Variants in WDR81 observed in about 807,000 individuals in gnomAD.
WDR81 encodes the protein WD repeat domain 81, also known as WD repeat-containing protein 81.
A neutral mutation model predicts 140.8 loss-of-function variants in WDR81; 92 were observed. The ratio of observed to expected loss-of-function variants is 0.65; its 90% confidence interval spans 0.55 to 0.78. WDR81 has a LOEUF of 0.78. Ranked by LOEUF, WDR81 falls within the 30% of genes least tolerant of loss-of-function variation. The probability of loss-of-function intolerance (pLI) is 0.00; values close to 1 mark genes in which losing one functional copy is unlikely to be tolerated. For missense variants in WDR81, 2,502 were observed against 2,636.4 expected (o/e 0.95, Z 1.12); for synonymous variants, 1,183 against 1,156.4 (o/e 1.02, Z -0.47).
Position 1,726,603 on chromosome 17 carries a change from G to A in WDR81, c.1644G>A (p.Thr548=), listed in dbSNP as rs771489078. ...ACCTGCACCATTGGATCGACCTCAC[G>A]TTTGGCTATAAACTCCAGGGTAAGG... ...SRDLHHWIDL[T]FGYKLQGKEA... The change falls in exon 1 of 10, where the codon ACG becomes ACA. Residue 548 remains threonine, a synonymous_variant. Transcript: ENST00000409644. 1.1e-5 allele frequency: 17 copies of A among 1,550,306 alleles called. No homozygotes were observed. Among genetic ancestry groups the A allele is most frequent in the Middle Eastern group, 1.7e-4 (1 of 5,992 alleles).
At position 1,734,097 on chromosome 17, in the gene WDR81, C is replaced by T. The variant is rs185022289; in HGVS notation, c.5060C>T (p.Thr1687Met). The T allele has an allele frequency of 1.3e-5, 20 of 1,598,126 alleles. No individual in the cohort carries two copies. The highest frequency in any genetic ancestry group is 6.7e-5 in the East Asian group (3 of 44,708). ...AACTACGGCGACGGGACCAGCGAGA[C>T]GGCCCCACGCCTCGTCTACACCCAG... is the stretch of plus-strand genomic sequence containing the variant. ...LYNYGDGTSETAPRLVYTQHR... is the reference protein window; with the variant it reads ...LYNYGDGTSEMAPRLVYTQHR... Residue 1687 changes from threonine to methionine, a missense_variant, in exon 7 of 10, where the codon ACG becomes ATG. Transcript: ENST00000409644.
At position 1,726,906 on chromosome 17, in the gene WDR81, A is replaced by G; in HGVS notation, c.1947A>G (p.Arg649=). The change falls in exon 1 of 10, where the codon AGA becomes AGG. Residue 649 remains arginine (R), a synonymous_variant. Coordinates refer to ENST00000409644, the MANE Select transcript of WDR81 (RefSeq NM_001163809.2). The part of the protein sequence containing the change: ...EATPCEASWT[R]DRPVAGEDDL... ...CTCCCTGTGAGGCTAGCTGGACCAG[A>G]GACAGGCCGGTGGCAGGAGAAGACG... The G allele has an allele frequency of 6.4e-7, 1 of 1,550,454 alleles. No homozygotes were observed. Among genetic ancestry groups the G allele is most frequent in the South Asian group, 1.2e-5 (1 of 84,060 alleles).
intron 1 of WDR81, 141 bp downstream of exon 1, chr17:1,728,767 C>T: frequency 8.8e-7 from 1 of 1,140,336 alleles, no homozygotes; most frequent in Non-Finnish European, 1.2e-6. Flanking sequence ...ATCCTAATAA[C>T]AAGGTGAAAC....
At chr17:1,731,286 G>C (rs1904326624) in intron 4 of WDR81, 28 bp downstream of exon 4, 1 of 1,607,316 alleles carries the variant, frequency 6.2e-7, no homozygotes, top group Admixed American at 1.7e-5. Context: ...CTGATGTAGG[G>C]GGACCGGCCC....
At position 1,725,046 on chromosome 17, in the gene WDR81, G is replaced by T. The variant is rs143607787; in HGVS notation, c.87G>T (p.Glu29Asp). The change falls in exon 1 of 10, where the codon GAG becomes GAT. Residue 29 changes from glutamate (E) to aspartate (D), a missense_variant. Coordinates refer to ENST00000409644, the MANE Select transcript of WDR81 (RefSeq NM_001163809.2). ...CCCCGCCAAGCCCAGACATGCAGGA[G>T]CTGCTCCGGAGCGTGGAGAGGGACC... ...WHSPPSPDMQ[E>D]LLRSVERDLS... 1.4e-6 allele frequency: 2 copies of T among 1,475,604 alleles called. No homozygotes were observed. Among genetic ancestry groups the T allele is most frequent in the Non-Finnish European group, 1.8e-6 (2 of 1,115,632 alleles). 91.4% of individuals were successfully genotyped at this position (1,475,604 alleles called of 1,614,324 possible). A position where few individuals can be genotyped will look rare whatever the true frequency, so the allele number is the denominator to read the frequency against.
At chr17:1,719,561 A>C (rs200380243) in intron 1 of WDR81, among the ~76,000 whole-genome samples, 8 of 89,754 alleles carry the variant, frequency 8.9e-5, no homozygotes, top group African/African-American at 1.6e-4. Flanking sequence ...AAAAAGAAAA[A>C]AAAAAAAAAA....
At chr17:1,724,131 G>T (rs1597282979), upstream of WDR81, among the ~76,000 whole-genome samples, 1 of 152,080 alleles carries the variant, frequency 6.6e-6, no homozygotes, top group African/African-American at 2.4e-5. Flanking sequence ...TTGGGAGGCC[G>T]AGACGGGTGG....
chr17:1,732,709 C>A lies in WDR81; in HGVS notation c.4367C>A (p.Pro1456Gln), dbSNP rs749340184. The change falls in exon 6 of 10, where the codon CCA becomes CAA. Residue 1456 changes from proline to glutamine, a missense_variant. Around this residue, in one of 3 missense-constraint regions of WDR81, gnomAD observed 1,737 missense variants for 1,843.0 expected, o/e 0.94. Coordinates refer to ENST00000409644, the MANE Select transcript of WDR81 (RefSeq NM_001163809.2). ...GCGGGCCGTGGTGAGGGCCAGCTGC[C>A]ACAGGTGGTCTTCTCTGATGGGCAG... ...DPAGRGEGQL[P>Q]QVVFSDGQQR... The A allele has an allele frequency of 6.2e-7, 1 of 1,612,384 alleles. No homozygotes were observed. The highest frequency in any genetic ancestry group is 1.1e-5 in the South Asian group (1 of 90,990).
upstream of WDR81, among the ~76,000 whole-genome samples, chr17:1,721,955 C>G (rs1914886922): frequency 6.6e-6 from 1 of 151,942 alleles, no homozygotes. Flanking sequence ...GAAACCCTGT[C>G]TCTACTAAAA....
chr17:1,734,254 C>T (rs765478906), intron 7 of WDR81, 38 bp downstream of exon 7: 2 of 1,502,088 alleles, frequency 1.3e-6, no homozygotes, highest in South Asian at 1.3e-5. Context: ...TCTTCCTGCT[C>T]CTGCGCCCCA....
chr17:1,731,200 C>G lies in WDR81; in HGVS notation c.4099C>G (p.Arg1367Gly). 6.2e-7 allele frequency: 1 copy of G among 1,613,592 alleles called. No homozygotes were observed. Among genetic ancestry groups the G allele is most frequent in the Non-Finnish European group, 8.5e-7 (1 of 1,180,014 alleles). ...CACCACACTCATGGACATCCTGCCC[C>G]GGATCAGCCATGAGGTCCTGCTGCC... is the stretch of plus-strand genomic sequence containing the variant. ...SDTTLMDILPRISHEVLLPVL... is the reference protein window; with the variant it reads ...SDTTLMDILPGISHEVLLPVL... The change falls in exon 4 of 10, where the codon CGG (arginine) becomes GGG (glycine). Residue 1367 changes from arginine to glycine, a missense_variant. Physicochemically the swap from Arg to Gly is moderately radical, Grantham distance 125. Transcript: ENST00000409644.
intron 9 of WDR81, among the ~76,000 whole-genome samples, 158 bp from the exon 10 acceptor site, chr17:1,737,207 C>T (rs1037548408): frequency 2.5e-4 from 38 of 152,138 alleles, no homozygotes; most frequent in African/African-American, 7.2e-5. Context: ...AATGAACCAA[C>T]GTGAATATGG....
In WDR81 at chr17:1,727,786, T is replaced by C; in HGVS notation, c.2827T>C (p.Trp943Arg). Residue 943 changes from tryptophan (W) to arginine (R), a missense_variant, in exon 1 of 10, where the codon TGG becomes CGG. Around this residue, in one of 3 missense-constraint regions of WDR81, gnomAD observed 1,737 missense variants for 1,843.0 expected, o/e 0.94. Transcript: ENST00000409644. ...SEEHTAVYTA[W>R]YLFEPVAKAL... ...GGAGCACACAGCTGTGTACACGGCCTGGTATCTGTTTGAGCCTGTTGCCAA... is the reference window on the plus strand; with the variant it reads ...GGAGCACACAGCTGTGTACACGGCCCGGTATCTGTTTGAGCCTGTTGCCAA... 6.4e-7 allele frequency: 1 copy of C among 1,550,716 alleles called. No individual in the cohort carries two copies. Among genetic ancestry groups the C allele is most frequent in the Non-Finnish European group, 8.7e-7 (1 of 1,146,998 alleles).
Position 1,734,209 on chromosome 17 carries a change from C to T in WDR81, c.5172C>T (p.Pro1724=). 6.3e-7 allele frequency: 1 copy of T among 1,581,962 alleles called. No individual in the cohort carries two copies. The highest frequency in any genetic ancestry group is 8.6e-7 in the Non-Finnish European group (1 of 1,168,918). Residue 1724 remains proline, a synonymous_variant, in exon 7 of 10, where the codon CCC becomes CCT. Transcript: ENST00000409644. ...ACGGGGCTGTGCACGTCTGGGACCC[C>T]TTCACAGGTGAGCGGGCCCAGGTGA... ...SCDGAVHVWD[P]FTGKTLRTVE...
At chr17:1,736,551 G>A (rs1412191530) in intron 9 of WDR81, among the ~76,000 whole-genome samples, 1 of 152,158 alleles carries the variant, frequency 6.6e-6, no homozygotes, top group East Asian at 1.9e-4. Context: ...CAGGGGTCAG[G>A]CCCTGTCCGT....
Position 1,730,801 on chromosome 17 carries a change from G to C in WDR81, c.3822G>C (p.Pro1274=). ...CAGTGAGCAGTGGCGAGAGCCCACC[G>C]CTGAGCGCCGGCAACATCTACCAGA... ...QFTVSSGESP[P]LSAGNIYQKR... Residue 1274 remains proline, a synonymous_variant, in exon 3 of 10, where the codon CCG becomes CCC. Transcript: ENST00000409644. 6.2e-7 allele frequency: 1 copy of C among 1,612,180 alleles called. No homozygotes were observed.
At position 1,732,754 on chromosome 17, in the gene WDR81, C is replaced by T; in HGVS notation, c.4412C>T (p.Ala1471Val). ...GGGCAGCAGCGGCCCGTGGACCCCG[C>T]CCTGCTGGACGAGCTGCAGAAGGTG... Reference protein sequence around the residue: ...SDGQQRPVDPALLDELQKVFT... With the variant: ...SDGQQRPVDPVLLDELQKVFT... The change falls in exon 6 of 10, where the codon GCC becomes GTC. Residue 1471 changes from alanine (A) to valine (V), a missense_variant. Physicochemically the swap from Ala to Val is moderately conservative, Grantham distance 64. Transcript: ENST00000409644. 1 of 1,613,064 alleles carries T rather than the reference C, an allele frequency of 6.2e-7. No individual in the cohort carries two copies. The highest frequency in any genetic ancestry group is 8.5e-7 in the Non-Finnish European group (1 of 1,179,968).
chr17:1,730,721 T>C, intron 2 of WDR81, 34 bp from the exon 3 acceptor site: 1 of 1,579,624 alleles, frequency 6.3e-7, no homozygotes. Context: ...GGCCCTCCAC[T>C]GGCGACTCAG....
intron 4 of WDR81, among the ~76,000 whole-genome samples, chr17:1,731,731 G>A (rs532155114): frequency 1.3e-5 from 2 of 151,698 alleles, no homozygotes; most frequent in East Asian, 3.9e-4. Context: ...GTGAAACCCC[G>A]TCTCCACTAA....
Sources: allele counts gnomAD v4.1 joint callset (sites outside exome capture counted in the v4.1 genomes callset), GRCh38; gene constraint gnomAD v4.1.1; regional missense constraint gnomAD v4.1.1; transcripts MANE v1.5; gene names NCBI Gene and HGNC (gene_info 2026-07-23, HGNC 2026-07-21).